Variants in ARHGAP44 observed in about 807,000 individuals in gnomAD.
ARHGAP44 encodes the protein rho GTPase-activating protein 44.
In ARHGAP44, 43 loss-of-function variants were observed where a neutral mutation model predicts 106.8. The observed-to-expected ratio is 0.40, with a 90% CI of 0.32 to 0.52. The LOEUF (loss-of-function observed/expected upper bound fraction) is 0.52, where lower values mean the gene tolerates loss of function less well. Among genes scored for constraint, ARHGAP44 ranks in the 20% least tolerant of loss-of-function variants. ARHGAP44 has a pLI of 0.48. For synonymous variants in ARHGAP44, 439 were observed against 410.3 expected (o/e 1.07, Z -0.85); for missense variants, 866 against 1,050.5 (o/e 0.82, Z 2.43).
chr17:12,982,023 G>C (rs1165000012), intron 19 of ARHGAP44, among the ~76,000 whole-genome samples: 1 of 151,962 alleles, frequency 6.6e-6, no homozygotes, highest in Non-Finnish European at 1.5e-5. Flanking sequence ...AAAAAAAAGA[G>C]TCCTTTAACT....
chr17:12,958,896 G>T lies in ARHGAP44; in HGVS notation c.1522G>T (p.Gly508Cys). The T allele has an allele frequency of 6.2e-7, 1 of 1,603,036 alleles. No individual in the cohort carries two copies. Among genetic ancestry groups the T allele is most frequent in the Non-Finnish European group, 8.5e-7 (1 of 1,174,674 alleles). ...NMMLEFYKKD[G>C]LRKIQSMGVR... ...GATGCTGGAGTTTTACAAAAAGGATGGGTATGAACTGGTGTCTCTTTCTCA... is the reference window on the plus strand; with the variant it reads ...GATGCTGGAGTTTTACAAAAAGGATTGGTATGAACTGGTGTCTCTTTCTCA... The change falls in exon 16 of 21, where the codon GGC (glycine) becomes TGC (cysteine). Residue 508 changes from glycine (G) to cysteine (C), a missense_variant and splice_region_variant. Physicochemically the swap from Gly to Cys is radical, Grantham distance 159 (BLOSUM62 -3). Around this residue, in one of 2 missense-constraint regions of ARHGAP44, gnomAD observed 448 missense variants for 646.9 expected, o/e 0.69. Transcript: ENST00000379672. This position sits in a 1 kb window ranked among gnomAD's most constrained non-coding sequence, Gnocchi z 4.1.
intron 3 of ARHGAP44, among the ~76,000 whole-genome samples, chr17:12,903,584 CTT>C (rs2037459152): frequency 6.6e-6 from 1 of 152,054 alleles, no homozygotes; most frequent in Non-Finnish European, 1.5e-5. Context: ...ACTGGATATC[CTT>C]TTAAAAAATT....
intron 1 of ARHGAP44, among the ~76,000 whole-genome samples, chr17:12,831,796 C>A (rs1019905643): frequency 6.6e-6 from 1 of 152,104 alleles, no homozygotes; most frequent in Admixed American, 6.5e-5. Flanking sequence ...TGGTCAGGGG[C>A]CTACAGTCAG....
At chr17:12,859,704 A>G (rs1423159916) in intron 1 of ARHGAP44, among the ~76,000 whole-genome samples, 1 of 152,236 alleles carries the variant, frequency 6.6e-6, no homozygotes, top group East Asian at 1.9e-4. Context: ...CACAGATGCA[A>G]AAACGATTGC....
chr17:12,881,882 C>T (rs772019852), intron 1 of ARHGAP44, among the ~76,000 whole-genome samples: 7 of 152,000 alleles, frequency 4.6e-5, no homozygotes, highest in Non-Finnish European at 7.4e-5. Flanking sequence ...TGTAAGACAA[C>T]GTCTCACTAT....
Position 12,933,911 on chromosome 17 carries a change from C to T in ARHGAP44, c.582+4865C>T, listed in dbSNP as rs1050752629. ...TCGCCCAGGCTGGAGTGTGGTGGCA[C>T]GATCTCGGCTCACTGCAAGCTCCGC... On this transcript the variant is annotated intron_variant, in intron 7 of 20. Coordinates refer to ENST00000379672, the MANE Select transcript of ARHGAP44 (RefSeq NM_014859.6). Among the ~76,000 whole-genome samples, 17 of 150,640 alleles carry T rather than the reference C, an allele frequency of 1.1e-4. No homozygotes were observed. The South Asian group carries it at 2.7e-3, about 24-fold the overall frequency.
chr17:12,838,389 A>G (rs1015441981), intron 1 of ARHGAP44, among the ~76,000 whole-genome samples: 4 of 152,224 alleles, frequency 2.6e-5, no homozygotes, highest in African/African-American at 9.6e-5. Context: ...TGACTATTTC[A>G]GATGTTTTTT....
chr17:12,869,703 T>A (rs1255876312), intron 1 of ARHGAP44, among the ~76,000 whole-genome samples: 2 of 152,170 alleles, frequency 1.3e-5, no homozygotes, highest in Non-Finnish European at 2.9e-5. Context: ...TGTAGAAGAA[T>A]TAAAAAATTT....
intron 15 of ARHGAP44, among the ~76,000 whole-genome samples, chr17:12,957,933 A>G (rs536834154): frequency 1.3e-5 from 2 of 152,246 alleles, no homozygotes; most frequent in South Asian, 4.1e-4. Flanking sequence ...AAGAAGTTTG[A>G]TTGTCTTTCT....
At chr17:12,884,748 G>A (rs1171420295) in intron 1 of ARHGAP44, among the ~76,000 whole-genome samples, 1 of 152,084 alleles carries the variant, frequency 6.6e-6, no homozygotes, top group Non-Finnish European at 1.5e-5. Flanking sequence ...CTATGACTTA[G>A]CTTTTCCAGG....
intron 19 of ARHGAP44, among the ~76,000 whole-genome samples, chr17:12,983,285 AAG>A (rs2039877548): frequency 6.7e-6 from 1 of 149,382 alleles, no homozygotes; most frequent in Non-Finnish European, 1.5e-5. Context: ...AAAAAAAAAA[AAG>A]GAATCAGACC....
At chr17:12,799,396 C>T (rs1202480158) in intron 1 of ARHGAP44, among the ~76,000 whole-genome samples, 1 of 152,192 alleles carries the variant, frequency 6.6e-6, no homozygotes, top group African/African-American at 2.4e-5. Flanking sequence ...ATTCTGGAAC[C>T]TAGTCTATCC....
intron 1 of ARHGAP44, among the ~76,000 whole-genome samples, chr17:12,888,394 C>T (rs1229932796): frequency 6.6e-6 from 1 of 152,096 alleles, no homozygotes; most frequent in Non-Finnish European, 1.5e-5. Context: ...TGAAAATTTT[C>T]TTCTTATGCT....
chr17:12,954,401 G>A (rs939190133), intron 13 of ARHGAP44, among the ~76,000 whole-genome samples: 34 of 152,338 alleles, frequency 2.2e-4, no homozygotes, highest in African/African-American at 7.9e-4. Flanking sequence ...CTTATGGCAT[G>A]TTGCTGACCA....
Position 12,949,739 on chromosome 17 carries a change from C to T in ARHGAP44, c.1055+9C>T. The T allele has an allele frequency of 6.2e-7, 1 of 1,610,890 alleles. No individual in the cohort carries two copies. On this transcript the variant is annotated intron_variant, in intron 12 of 20. Coordinates refer to ENST00000379672, the MANE Select transcript of ARHGAP44 (RefSeq NM_014859.6). This position sits in a 1 kb window ranked among gnomAD's most constrained non-coding sequence, Gnocchi z 4.1. ...TGGATCCAGGCTTCCAAGTGAGTAC[C>T]CCTTGTTTTGGAATGTCCTGTGAGT...
chr17:12,982,503 CA>C (rs370295820), intron 19 of ARHGAP44: 1 of 152,244 alleles, frequency 6.6e-6, no homozygotes, highest in African/African-American at 2.4e-5. Flanking sequence ...GCTTCTCATC[CA>C]GGGGTACCCC....
chr17:12,867,644 T>G (rs2036271182), intron 1 of ARHGAP44, among the ~76,000 whole-genome samples: 1 of 152,188 alleles, frequency 6.6e-6, no homozygotes, highest in Admixed American at 6.5e-5. Context: ...GGCAAAAGAC[T>G]TTGGGAGTCA....
At chr17:12,809,971 G>T (rs1005977356) in intron 1 of ARHGAP44, among the ~76,000 whole-genome samples, 1 of 152,168 alleles carries the variant, frequency 6.6e-6, no homozygotes, top group Non-Finnish European at 1.5e-5. Flanking sequence ...CTGGAGCCTG[G>T]GAGGGAGATC....
At chr17:12,853,645 C>T (rs78684336) in intron 1 of ARHGAP44, among the ~76,000 whole-genome samples, 5,374 of 152,254 alleles carry the variant, frequency 0.035, 325 homozygotes, top group African/African-American at 0.12. Flanking sequence ...TCCTTCATGT[C>T]AGCTAGATGT....
Sources: gnomAD v4.1 joint callset for allele counts (sites outside exome capture counted in the v4.1 genomes callset) on GRCh38, gnomAD v4.1.1 for gene constraint, gnomAD v4.1.1 regional missense constraint, Gnocchi (gnomAD v3.1) non-coding constraint, MANE v1.5 for transcripts, NCBI Gene and HGNC (gene_info 2026-07-23, HGNC 2026-07-21) for gene names.